SLC39A11: variants seen among roughly 807,000 people sequenced by gnomAD.
SLC39A11 encodes the protein zinc transporter ZIP11.
Under a neutral mutation model 36.1 loss-of-function variants are expected in SLC39A11, and 33 were observed. The ratio of observed to expected loss-of-function variants is 0.91; its 90% CI spans 0.69 to 1.22. SLC39A11 has a LOEUF of 1.22. Ranked by LOEUF, SLC39A11 falls within the 50% of genes most tolerant of loss-of-function variation. SLC39A11 has a pLI of 0.00. For missense variants in SLC39A11, 432 were observed against 430.3 expected (o/e 1.00, Z -0.03); for synonymous variants, 166 against 170.3 (o/e 0.97, Z 0.20).
At chr17:73,009,824 G>A (rs974066374) in intron 4 of SLC39A11, among the ~76,000 whole-genome samples, 1 of 151,954 alleles carries the variant, frequency 6.6e-6, no homozygotes, top group African/African-American at 2.4e-5. Flanking sequence ...TGCCATGTTG[G>A]TGTGCTGTAC....
At chr17:72,981,821 G>C (rs1215290021) in intron 4 of SLC39A11, among the ~76,000 whole-genome samples, 1 of 148,024 alleles carries the variant, frequency 6.8e-6, no homozygotes, top group Non-Finnish European at 1.5e-5. Context: ...TACACAAGGA[G>C]CTCCAAAATA....
chr17:72,918,032 G>A (rs937003997), intron 5 of SLC39A11, among the ~76,000 whole-genome samples: 18 of 152,204 alleles, frequency 1.2e-4, no homozygotes, highest in African/African-American at 3.1e-4. Flanking sequence ...GCAACCTAAC[G>A]AGCTGAACTT....
chr17:72,705,182 T>C (rs969134170), intron 7 of SLC39A11, among the ~76,000 whole-genome samples: 2 of 152,196 alleles, frequency 1.3e-5, no homozygotes, highest in South Asian at 2.1e-4. Flanking sequence ...TTGCAAATGA[T>C]ATAAATGAAA....
intron 7 of SLC39A11, among the ~76,000 whole-genome samples, chr17:72,707,713 A>T (rs1219983143): frequency 6.6e-6 from 1 of 152,268 alleles, no homozygotes; most frequent in East Asian, 1.9e-4. Flanking sequence ...TTGTTCTGTT[A>T]TATTAAGTCA....
At chr17:72,688,447 G>A (rs755592956) in intron 7 of SLC39A11, among the ~76,000 whole-genome samples, 2 of 152,200 alleles carry the variant, frequency 1.3e-5, no homozygotes, top group Admixed American at 6.5e-5. Context: ...GCCAACTGGC[G>A]ACTGCCAGGC....
rs143584717 is a variant in SLC39A11, at chr17:73,025,640, A to C, written c.306+5916T>G. 8.9e-4 allele frequency among the ~76,000 whole-genome samples: 136 copies of C among 152,336 alleles called. No homozygotes were observed. The East Asian group carries it at 0.026, about 29-fold the overall frequency. On this transcript the variant is annotated intron_variant, in intron 4 of 9. Transcript: ENST00000255559. ...ACTGATTCCAACTGTGTAAAAATGT[A>C]TGCTTGCACATATGCAAGAAAAGAA... is the stretch of plus-strand genomic sequence containing the variant.
At chr17:72,829,948 C>T (rs908231790) in intron 6 of SLC39A11, among the ~76,000 whole-genome samples, 5 of 151,674 alleles carry the variant, frequency 3.3e-5, no homozygotes, top group South Asian at 4.2e-4. Flanking sequence ...AGGAGGGGAT[C>T]GGTGCAGAGT....
intron 5 of SLC39A11, among the ~76,000 whole-genome samples, chr17:72,924,427 G>A (rs1054624787): frequency 1.3e-5 from 2 of 152,130 alleles, no homozygotes; most frequent in Non-Finnish European, 2.9e-5. Context: ...CAAAAGAGGT[G>A]TAGGTGTGGC....
At chr17:72,672,105 T>C (rs934331724) in intron 7 of SLC39A11, among the ~76,000 whole-genome samples, 20 of 152,212 alleles carry the variant, frequency 1.3e-4, no homozygotes, top group African/African-American at 4.8e-4. Flanking sequence ...CAAATTTGAC[T>C]GTGGTAATCA....
chr17:72,950,651 C>T (rs898983848), intron 4 of SLC39A11, among the ~76,000 whole-genome samples: 14 of 152,084 alleles, frequency 9.2e-5, no homozygotes, highest in East Asian at 3.8e-4. Context: ...GTGATTGATG[C>T]GTAACTGGGG....
intron 5 of SLC39A11, among the ~76,000 whole-genome samples, chr17:72,945,703 G>A (rs1408831406): frequency 6.6e-6 from 1 of 152,120 alleles, no homozygotes; most frequent in Non-Finnish European, 1.5e-5. Flanking sequence ...TGAGCAGGGG[G>A]ACTGGGTTAC....
At chr17:72,883,519 C>A (rs2081306891) in intron 5 of SLC39A11, among the ~76,000 whole-genome samples, 1 of 152,138 alleles carries the variant, frequency 6.6e-6, no homozygotes, top group Non-Finnish European at 1.5e-5. Context: ...GTGGCAGAAG[C>A]TAGCCAGTTA....
intron 4 of SLC39A11, among the ~76,000 whole-genome samples, chr17:72,963,876 A>G (rs2086794244): frequency 6.6e-6 from 1 of 152,334 alleles, no homozygotes; most frequent in African/African-American, 2.4e-5. Flanking sequence ...ACCCATGAAC[A>G]GTTTTAATTT....
chr17:73,059,774 AAG>A (rs944138542), intron 3 of SLC39A11, among the ~76,000 whole-genome samples: 5 of 152,330 alleles, frequency 3.3e-5, no homozygotes, highest in South Asian at 2.1e-4. Flanking sequence ...TAAGGAAAAA[AAG>A]AGTAATTTTC....
chr17:72,794,185 C>A (rs2076812838), intron 6 of SLC39A11, among the ~76,000 whole-genome samples: 1 of 152,072 alleles, frequency 6.6e-6, no homozygotes, highest in African/African-American at 2.4e-5. Context: ...ACAATGGGTC[C>A]CAGCACCTGC....
intron 5 of SLC39A11, among the ~76,000 whole-genome samples, chr17:72,914,898 C>T (rs900535946): frequency 1.6e-5 from 2 of 125,014 alleles, no homozygotes; most frequent in Non-Finnish European, 3.9e-5. Flanking sequence ...AATTGAATAT[C>T]TGTGCCTTTT....
intron 5 of SLC39A11, among the ~76,000 whole-genome samples, chr17:72,887,099 G>A (rs2081473498): frequency 6.6e-6 from 1 of 152,088 alleles, no homozygotes; most frequent in Non-Finnish European, 1.5e-5. Flanking sequence ...CTCTTCCACT[G>A]GACTATAAAG....
At chr17:72,949,022 T>C (rs1450239397) in intron 4 of SLC39A11, among the ~76,000 whole-genome samples, 1 of 150,776 alleles carries the variant, frequency 6.6e-6, no homozygotes, top group African/African-American at 2.4e-5. Context: ...TCCAAACACC[T>C]CAAAGCTAAG....
chr17:72,936,849 G>A (rs555418008), intron 5 of SLC39A11, among the ~76,000 whole-genome samples: 6 of 152,266 alleles, frequency 3.9e-5, no homozygotes, highest in East Asian at 1.9e-4. Flanking sequence ...CACGTGTGCC[G>A]TTCACAACAG....
Sources: gnomAD v4.1 joint callset for allele counts (sites outside exome capture counted in the v4.1 genomes callset) on GRCh38, gnomAD v4.1.1 for gene constraint, MANE v1.5 for transcripts, NCBI Gene and HGNC (gene_info 2026-07-23, HGNC 2026-07-21) for gene names.